The following VSIG10L variants were observed in gnomAD, a reference collection of about 807,000 sequenced individuals.
VSIG10L encodes V-set and immunoglobulin domain-containing protein 10-like.
VSIG10L carries 63 observed loss-of-function variants against 67.3 expected under a neutral mutation model. The observed-to-expected ratio is 0.94, with a 90% confidence interval of 0.76 to 1.15. VSIG10L has a LOEUF of 1.15. VSIG10L is among the 50% of genes most tolerant of loss of function. The pLI is 0.00. For synonymous variants in VSIG10L, 499 were observed against 524.9 expected, an observed-to-expected ratio of 0.95 and a Z score of 0.67; for missense variants, 1,050 against 1,177.5, an observed-to-expected ratio of 0.89 and a Z score of 1.58.
rs1371761255 is a variant in VSIG10L, at chr19:51,342,102, G to A, written c.23C>T (p.Pro8Leu). 1 of 1,551,690 alleles carries A rather than the reference G, an allele frequency of 6.4e-7. No homozygotes were observed. Among genetic ancestry groups the A allele is most frequent in the South Asian group, 1.2e-5 (1 of 84,058 alleles). Reference sequence around the variant, plus strand: ...GAACTTACCCAGGAGTAGGAAGAGTGGCAGAGCCTGTGGGTTGTCCATGGT... The same window carrying A: ...GAACTTACCCAGGAGTAGGAAGAGTAGCAGAGCCTGTGGGTTGTCCATGGT... The part of the protein sequence containing the change: MDNPQAL[P>L]LFLLLASLVG... The change falls in exon 1 of 10, where the codon CCA becomes CTA. Residue 8 changes from proline (P) to leucine (L), a missense_variant. This residue lies in a region of VSIG10L where 511 missense variants were observed against 557.9 expected (regional missense o/e 0.92). Transcript: ENST00000335624. The surrounding 1 kb of genome is among the most constrained non-coding windows in gnomAD (Gnocchi z 4.4).
Position 51,340,803 on chromosome 19 carries a change from C to G in VSIG10L, c.896-77G>C, listed in dbSNP as rs2123558945. The stretch of plus-strand genomic sequence containing the variant: ...TGGTCCCCTTAGAGGGAACCCCAGC[C>G]GCTGCTCCCTCTAAGCCCCTGGAGT... On this transcript the variant is annotated intron_variant, in intron 2 of 9. Coordinates refer to ENST00000335624, the MANE Select transcript of VSIG10L (RefSeq NM_001163922.3). This position sits in a 1 kb window ranked among gnomAD's most constrained non-coding sequence, Gnocchi z 6.3. 5.7e-6 allele frequency: 8 copies of G among 1,397,362 alleles called. No individual in the cohort carries two copies. In the South Asian group the frequency reaches 7.7e-5, roughly 13 times the overall value. 86.6% of individuals were successfully genotyped at this position (1,397,362 alleles called of 1,614,324 possible).
chr19:51,339,851 G>C, intron 4 of VSIG10L, 164 bp downstream of exon 4: 2 of 852,132 alleles, frequency 2.3e-6, no homozygotes, highest in Middle Eastern at 4.4e-4. Context: ...GCCCCACCAC[G>C]GGTATCCCAG....
At position 51,331,871 on chromosome 19, in the gene VSIG10L, A is replaced by T. The variant is rs1185068594; in HGVS notation, c.*740T>A. The T allele has an allele frequency of 6.6e-6, 1 of 152,350 alleles. No individual in the cohort carries two copies. The highest frequency in any genetic ancestry group is 1.5e-5 in the Non-Finnish European group (1 of 68,124). 9.4% of individuals were successfully genotyped at this position (152,350 alleles called of 1,614,324 possible). A position where few individuals can be genotyped will look rare whatever the true frequency, so the allele number is the denominator to read the frequency against. On this transcript the variant is annotated 3_prime_UTR_variant, in exon 10 of 10. Coordinates refer to ENST00000335624, the MANE Select transcript of VSIG10L (RefSeq NM_001163922.3). Reference sequence around the variant, plus strand: ...GGCAAATTCAAGGATTCTGGGACTTAACCCAAGACTAAGGGAGGGGTAAGG... The same window carrying T: ...GGCAAATTCAAGGATTCTGGGACTTTACCCAAGACTAAGGGAGGGGTAAGG...
chr19:51,333,542 A>G (rs74892991), intron 9 of VSIG10L, among the ~76,000 whole-genome samples: 25 of 151,994 alleles, frequency 1.6e-4, no homozygotes, highest in South Asian at 4.2e-4. Context: ...AAAAAAAAAA[A>G]AGAGAGAGAG....
chr19:51,340,557 C>G lies in VSIG10L; in HGVS notation c.1065G>C (p.Arg355=), dbSNP rs1334071217. ...GCAGCTGGTCGCCCTCTGAGCGCAT[C>G]CGGGGCGTCTCGGCTCCCTCCGATT... is the stretch of plus-strand genomic sequence containing the variant. ...AAESEGAETP[R]MRSEGDQLLI... Residue 355 remains arginine (R), a synonymous_variant, in exon 3 of 10, where the codon CGG becomes CGC. Coordinates refer to ENST00000335624, the MANE Select transcript of VSIG10L (RefSeq NM_001163922.3). The surrounding 1 kb of genome is among the most constrained non-coding windows in gnomAD (Gnocchi z 6.3). 4 of 1,535,696 alleles carry G rather than the reference C, an allele frequency of 2.6e-6. No individual in the cohort carries two copies. In the African/African-American group the frequency reaches 4.1e-5, roughly 16 times the overall value.
chr19:51,333,222 T>C (rs1156947312), intron 9 of VSIG10L, among the ~76,000 whole-genome samples: 3 of 151,838 alleles, frequency 2.0e-5, no homozygotes, highest in African/African-American at 7.2e-5. Flanking sequence ...CCTTGCCCAA[T>C]TTTTATGGGA....
rs1264460541 is a variant in VSIG10L at position 51,337,278 on chromosome 19, G to GC, written c.2264dup (p.Gln756ProfsTer56). 2 of 1,550,694 alleles carry GC rather than the reference G, an allele frequency of 1.3e-6. No individual in the cohort carries two copies. Among genetic ancestry groups the GC allele is most frequent in the Non-Finnish European group, 1.7e-6 (2 of 1,146,482 alleles). On this transcript the variant is annotated frameshift_variant, in exon 7 of 10. Transcript: ENST00000335624. LOFTEE classifies it high-confidence loss of function. Reference sequence around the variant, plus strand: ...GGCTTTGTGATGGAGTCCCTGGCTGGCCCCCCAGGATGGGCAGGATCCGAA... The same window carrying GC: ...GGCTTTGTGATGGAGTCCCTGGCTGGCCCCCCCAGGATGGGCAGGATCCGAA...
chr19:51,340,348 G>A lies in VSIG10L; in HGVS notation c.1190-49C>T. ...CGCGAGTGTCAGGGTCACCTGGGAC[G>A]CCGCTAGGACTCCCGGAGACTGGGT... is the stretch of plus-strand genomic sequence containing the variant. On this transcript the variant is annotated intron_variant, in intron 3 of 9. Transcript: ENST00000335624. This position sits in a 1 kb window ranked among gnomAD's most constrained non-coding sequence, Gnocchi z 6.3. The A allele has an allele frequency of 6.8e-7, 1 of 1,472,870 alleles. No individual in the cohort carries two copies. Among genetic ancestry groups the A allele is most frequent in the Non-Finnish European group, 9.0e-7 (1 of 1,113,262 alleles). The allele number at this position is 1,472,870 out of a possible 1,614,324, so 91.2% of individuals were successfully genotyped here.
At chr19:51,339,930 G>T in intron 4 of VSIG10L, 85 bp downstream of exon 4, 1 of 1,205,830 alleles carries the variant, frequency 8.3e-7, no homozygotes, top group Non-Finnish European at 1.0e-6. Context: ...CTCCTTGCTG[G>T]CCCCGCCCCT....
In VSIG10L at chr19:51,340,260, C is replaced by T. The variant is rs1985598601; in HGVS notation, c.1229G>A (p.Arg410His). Residue 410 changes from arginine to histidine, a missense_variant, in exon 4 of 10, where the codon CGC (arginine) becomes CAC (histidine). Transcript: ENST00000335624. This position sits in a 1 kb window ranked among gnomAD's most constrained non-coding sequence, Gnocchi z 6.3. ...DPPTITVSSDRDAAPARFVTA... is the reference protein window; with the variant it reads ...DPPTITVSSDHDAAPARFVTA... ...GACAAAGCGGGCAGGCGCGGCGTCG[C>T]GGTCCGAGGAGACCGTGATGGTCGG... The T allele has an allele frequency of 2.0e-6, 3 of 1,514,326 alleles. No individual in the cohort carries two copies. In the South Asian group the frequency reaches 3.6e-5, roughly 18 times the overall value. 93.8% of individuals were successfully genotyped at this position (1,514,326 alleles called of 1,614,324 possible). A position where few individuals can be genotyped will look rare whatever the true frequency, so the allele number is the denominator to read the frequency against.
rs946079449 is a variant in VSIG10L at position 51,333,818 on chromosome 19, C to T, written c.2547G>A (p.Glu849=). The change falls in exon 9 of 10, where the codon GAG becomes GAA. Residue 849 remains glutamate, a synonymous_variant. Coordinates refer to ENST00000335624, the MANE Select transcript of VSIG10L (RefSeq NM_001163922.3). The part of the protein sequence containing the change: ...SWPLDLKVPL[E]DHSSTRAYQA... ...GGTAGGCCCTAGTTGAGCTGTGGTCCTCCAGAGGGACTTTGAGGTCCAGAG... is the reference window on the plus strand; with the variant it reads ...GGTAGGCCCTAGTTGAGCTGTGGTCTTCCAGAGGGACTTTGAGGTCCAGAG... 3 of 1,550,896 alleles carry T rather than the reference C, an allele frequency of 1.9e-6. No individual in the cohort carries two copies. The Admixed American group carries it at 5.9e-5, about 31-fold the overall frequency.
chr19:51,339,179 T>C (rs2123556021), intron 4 of VSIG10L, 37 bp from the exon 5 acceptor site: 1 of 1,266,818 alleles, frequency 7.9e-7, no homozygotes, highest in Non-Finnish European at 1.0e-6. Flanking sequence ...ATGGAGTCCC[T>C]TTCTCATTTC....
At chr19:51,336,183 A>G (rs1195380281) in intron 7 of VSIG10L, among the ~76,000 whole-genome samples, 2 of 152,168 alleles carry the variant, frequency 1.3e-5, no homozygotes, top group Non-Finnish European at 2.9e-5. Flanking sequence ...TTATTTTGGA[A>G]TAAGGTCTTT....
chr19:51,340,562 G>T lies in VSIG10L; in HGVS notation c.1060C>A (p.Pro354Thr), dbSNP rs1029261552. The change falls in exon 3 of 10, where the codon CCC becomes ACC. Residue 354 changes from proline to threonine, a missense_variant. Coordinates refer to ENST00000335624, the MANE Select transcript of VSIG10L (RefSeq NM_001163922.3). The surrounding 1 kb of genome is among the most constrained non-coding windows in gnomAD (Gnocchi z 6.3). ...EAAESEGAET[P>T]RMRSEGDQLL... The stretch of plus-strand genomic sequence containing the variant: ...TGGTCGCCCTCTGAGCGCATCCGGG[G>T]CGTCTCGGCTCCCTCCGATTCCGCC... The T allele has an allele frequency of 6.5e-7, 1 of 1,535,770 alleles. No homozygotes were observed. Among genetic ancestry groups the T allele is most frequent in the Admixed American group, 2.0e-5 (1 of 50,958 alleles).
At chr19:51,334,080 G>A (rs1599831989) in intron 8 of VSIG10L, 111 bp downstream of exon 8, 3 of 1,450,908 alleles carry the variant, frequency 2.1e-6, no homozygotes, top group East Asian at 2.5e-5. Flanking sequence ...AGGAGGGCAG[G>A]ATGGATGACC....
At position 51,341,498 on chromosome 19, in the gene VSIG10L, C is replaced by G. The variant is rs764704456; in HGVS notation, c.550G>C (p.Glu184Gln). Reference sequence around the variant, plus strand: ...GGAAAGCTTGCAGCTGAGTGGGTCTCTGCAGAAAATTTGGATTCAGGGCTC... The same window carrying G: ...GGAAAGCTTGCAGCTGAGTGGGTCTGTGCAGAAAATTTGGATTCAGGGCTC... Reference protein sequence around the residue: ...AQSPESKFSAETHSAASFPQQ... With the variant: ...AQSPESKFSAQTHSAASFPQQ... Residue 184 changes from glutamate to glutamine, a missense_variant, in exon 2 of 10, where the codon GAG becomes CAG. Glu to Gln is a conservative substitution (Grantham distance 29, BLOSUM62 2). Around this residue, in one of 3 missense-constraint regions of VSIG10L, gnomAD observed 511 missense variants for 557.9 expected, o/e 0.92. Coordinates refer to ENST00000335624, the MANE Select transcript of VSIG10L (RefSeq NM_001163922.3). 36 of 1,550,724 alleles carry G rather than the reference C, an allele frequency of 2.3e-5. No homozygotes were observed. Among genetic ancestry groups the G allele is most frequent in the Non-Finnish European group, 3.1e-5 (36 of 1,146,634 alleles).
chr19:51,337,211 A>C (rs1568462259), intron 7 of VSIG10L, 27 bp downstream of exon 7: 2 of 1,523,258 alleles, frequency 1.3e-6, no homozygotes, highest in Non-Finnish European at 1.8e-6. Flanking sequence ...ACAACAGAGA[A>C]GGTCTACTCT....
intron 9 of VSIG10L, 144 bp downstream of exon 9, chr19:51,333,647 C>T: frequency 2.1e-6 from 2 of 973,546 alleles, no homozygotes; most frequent in East Asian, 3.1e-5. Flanking sequence ...AACTTTGATG[C>T]ATTTTTAAAA....
chr19:51,337,860 A>T (rs1236610345), intron 6 of VSIG10L, 70 bp downstream of exon 6: 14 of 1,470,014 alleles, frequency 9.5e-6, no homozygotes, highest in Non-Finnish European at 9.9e-6. Flanking sequence ...TGGGGCCTGA[A>T]CTTCTGGGTC....
Sources: gnomAD v4.1 joint callset for allele counts (sites outside exome capture counted in the v4.1 genomes callset) on GRCh38, gnomAD v4.1.1 for gene constraint, gnomAD v4.1.1 regional missense constraint, Gnocchi (gnomAD v3.1) non-coding constraint, MANE v1.5 for transcripts, NCBI Gene and HGNC (gene_info 2026-07-23, HGNC 2026-07-21) for gene names.